The following CDH13 variants were observed in gnomAD, a reference collection of about 807,000 sequenced individuals.
CDH13 encodes cadherin 13.
A neutral mutation model predicts 63.8 loss-of-function variants in CDH13; 24 were observed. The observed-to-expected ratio is 0.38, with a 90% CI of 0.27 to 0.53. The LOEUF (loss-of-function observed/expected upper bound fraction) is 0.53. Among genes scored for constraint, CDH13 ranks in the 20% least tolerant of loss-of-function variants. The pLI, the probability that CDH13 is intolerant of heterozygous loss-of-function variation, is 0.85. For synonymous variants in CDH13, 503 were observed against 355.3 expected (o/e 1.42, Z -4.67); for missense variants, 1,049 against 903.1 (o/e 1.16, Z -2.07).
In CDH13 at chr16:82,848,371, C is replaced by T. The variant is rs1022283291; in HGVS notation, c.46-9991C>T. Among the ~76,000 whole-genome samples the T allele has an allele frequency of 3.9e-5, 6 of 152,098 alleles. 1 individual carries two copies. The highest frequency in any genetic ancestry group is 8.8e-5 in the Non-Finnish European group (6 of 68,024). On this transcript the variant is annotated intron_variant, in intron 1 of 13. Transcript: ENST00000567109. ...TTTAGTTGGGTATGACAAGAATAAC[C>T]CAATTTGTAGGATCAGCTTTCACCT...
At chr16:82,842,147 T>TATATATATATATATATATACATAC (rs2039058081) in intron 1 of CDH13, among the ~76,000 whole-genome samples, 14 of 21,420 alleles carry the variant, frequency 6.5e-4, no homozygotes, top group Non-Finnish European at 1.1e-4. Flanking sequence ...TACACATATA[T>TATATATATATATATATATACATAC]ATATATATAT....
At chr16:83,532,637 G>T (rs780763453) in intron 7 of CDH13, among the ~76,000 whole-genome samples, 6 of 152,118 alleles carry the variant, frequency 3.9e-5, no homozygotes, top group African/African-American at 1.4e-4. Context: ...CTCCACATTC[G>T]CCATGTCAGT....
intron 4 of CDH13, among the ~76,000 whole-genome samples, chr16:83,146,665 CA>C (rs2036764125): frequency 6.6e-6 from 1 of 152,242 alleles, no homozygotes; most frequent in Non-Finnish European, 1.5e-5. Context: ...ACTGCAGCAG[CA>C]GCTGGAGAAG....
intron 2 of CDH13, among the ~76,000 whole-genome samples, chr16:82,862,931 G>C (rs1012380012): frequency 6.6e-6 from 1 of 152,204 alleles, no homozygotes; most frequent in African/African-American, 2.4e-5. Flanking sequence ...TGAGCTGGCA[G>C]ACAGGGGAAT....
intron 8 of CDH13, among the ~76,000 whole-genome samples, chr16:83,666,985 C>G (rs918205177): frequency 6.7e-6 from 1 of 149,754 alleles, no homozygotes; most frequent in Non-Finnish European, 1.5e-5. Flanking sequence ...AGTGGTGTAA[C>G]CCTGGATGGA....
chr16:83,216,005 C>T (rs886674821), intron 4 of CDH13, among the ~76,000 whole-genome samples: 2 of 150,848 alleles, frequency 1.3e-5, no homozygotes, highest in African/African-American at 4.9e-5. Flanking sequence ...TACTTTGACC[C>T]CAACTGCTTC....
At chr16:82,963,659 A>G (rs76032795) in intron 2 of CDH13, among the ~76,000 whole-genome samples, 2,981 of 152,264 alleles carry the variant, frequency 0.02, 109 homozygotes, top group African/African-American at 0.069. Flanking sequence ...GAGAGAGCGC[A>G]TATCTGCTTC....
At chr16:83,632,270 G>GGTTTGGGTACGAGA (rs369477008) in intron 8 of CDH13, among the ~76,000 whole-genome samples, 1 of 152,006 alleles carries the variant, frequency 6.6e-6, no homozygotes, top group African/African-American at 2.4e-5. Flanking sequence ...CTGTAGAGAC[G>GGTTTGGGTACGAGA]TGTCCTACAG....
At chr16:82,654,957 C>T (rs568321023) in intron 1 of CDH13, among the ~76,000 whole-genome samples, 3 of 152,278 alleles carry the variant, frequency 2.0e-5, no homozygotes, top group African/African-American at 7.2e-5. Context: ...ACAGCCATAG[C>T]AAATAAACTG....
intron 5 of CDH13, among the ~76,000 whole-genome samples, chr16:83,298,271 G>A (rs1420300287): frequency 1.3e-5 from 2 of 151,556 alleles, no homozygotes; most frequent in Non-Finnish European, 2.9e-5. Flanking sequence ...GAGATGAGAC[G>A]AGATGAGAAA....
At chr16:83,645,698 G>C (rs550786961) in intron 8 of CDH13, among the ~76,000 whole-genome samples, 5 of 151,626 alleles carry the variant, frequency 3.3e-5, no homozygotes, top group Non-Finnish European at 2.9e-5. Flanking sequence ...TCCCAGAAAG[G>C]CCACATGAGA....
At chr16:83,112,928 C>A (rs1482128087) in intron 3 of CDH13, among the ~76,000 whole-genome samples, 4 of 152,122 alleles carry the variant, frequency 2.6e-5, no homozygotes, top group African/African-American at 9.7e-5. Flanking sequence ...TAAATTACAG[C>A]ACTTATAAAG....
At chr16:82,630,955 C>T (rs934214605) in intron 1 of CDH13, among the ~76,000 whole-genome samples, 3 of 152,212 alleles carry the variant, frequency 2.0e-5, no homozygotes, top group African/African-American at 7.2e-5. Flanking sequence ...TTTTAAAGAA[C>T]TTCAATGCAG....
chr16:83,556,989 G>A (rs1025616461), intron 7 of CDH13, among the ~76,000 whole-genome samples: 1 of 152,192 alleles, frequency 6.6e-6, no homozygotes, highest in Non-Finnish European at 1.5e-5. Flanking sequence ...AGGCCTGTAG[G>A]AACCAGGCCC....
chr16:83,172,362 A>G (rs962164583), intron 4 of CDH13, among the ~76,000 whole-genome samples: 52 of 152,170 alleles, frequency 3.4e-4, no homozygotes, highest in African/African-American at 1.2e-3. Flanking sequence ...GTAGTGGTGC[A>G]TGCTTGTAAT....
intron 10 of CDH13, among the ~76,000 whole-genome samples, chr16:83,711,618 C>T (rs531350817): frequency 3.9e-5 from 6 of 152,292 alleles, no homozygotes; most frequent in African/African-American, 9.6e-5. Context: ...CAGGCTCAAG[C>T]GATTCTCGTG....
chr16:82,932,875 A>G (rs1180709681), intron 2 of CDH13, among the ~76,000 whole-genome samples: 1 of 152,228 alleles, frequency 6.6e-6, no homozygotes, highest in South Asian at 2.1e-4. Context: ...GAACTTTACT[A>G]GTAGAGAAGT....
chr16:82,672,999 C>CTTTTTTTTTTTTTTTTTTTTTTTT lies in CDH13; in HGVS notation c.45+45882_45+45883insTTTTTTTTTTTTTTTTTTTTTTTT, dbSNP rs562942948. ...GTATGGCTAATTTTTATAAAGTTTT[C>CTTTTTTTTTTTTTTTTTTTTTTTT]TTTTTTTTTTTTTTTTTTTTGTAGA... is the stretch of plus-strand genomic sequence containing the variant. On this transcript the variant is annotated intron_variant, in intron 1 of 13. Transcript: ENST00000567109. Among the ~76,000 whole-genome samples the CTTTTTTTTTTTTTTTTTTTTTTTT allele has an allele frequency of 1.2e-4, 10 of 81,278 alleles. 2 individuals are homozygous for CTTTTTTTTTTTTTTTTTTTTTTTT. Among genetic ancestry groups the CTTTTTTTTTTTTTTTTTTTTTTTT allele is most frequent in the African/African-American group, 4.3e-4 (8 of 18,638 alleles). The allele number at this position is 81,278 out of a possible 152,430, so 53.3% of individuals were successfully genotyped here.
chr16:83,419,681 T>A (rs1216681379), intron 6 of CDH13, among the ~76,000 whole-genome samples: 2 of 152,220 alleles, frequency 1.3e-5, no homozygotes, highest in Admixed American at 1.3e-4. Flanking sequence ...CGCAGTATTA[T>A]ATAAAGTGAC....
Sources: gnomAD v4.1 joint callset for allele counts (sites outside exome capture counted in the v4.1 genomes callset) on GRCh38, gnomAD v4.1.1 for gene constraint, MANE v1.5 for transcripts, NCBI Gene and HGNC (gene_info 2026-07-23, HGNC 2026-07-21) for gene names.